The following RNF17 variants were observed in gnomAD, a reference collection of about 807,000 sequenced individuals.
RNF17 encodes ring finger protein 17.
In RNF17, 31 loss-of-function variants were observed where a neutral mutation model predicts 200.5. The observed-to-expected ratio is 0.15, with a 90% CI of 0.12 to 0.21. The LOEUF (loss-of-function observed/expected upper bound fraction) is 0.21, where lower values mean the gene tolerates loss of function less well. Ranked by LOEUF, RNF17 falls within the 10% of genes least tolerant of loss-of-function variation. The pLI, the probability that RNF17 is intolerant of heterozygous loss-of-function variation, is 1.00. For missense variants in RNF17, 1,628 were observed against 1,905.1 expected, an observed-to-expected ratio of 0.85 and a Z score of 2.71; for synonymous variants, 606 against 637.8, an observed-to-expected ratio of 0.95 and a Z score of 0.75.
In RNF17 at chr13:24,879,899, G is replaced by A. The variant is rs1953752644; in HGVS notation, c.*173G>A. 1 of 152,124 alleles carries A rather than the reference G, an allele frequency of 6.6e-6. No individual in the cohort carries two copies. Among genetic ancestry groups the A allele is most frequent in the Non-Finnish European group, 1.5e-5 (1 of 68,008 alleles). 9.4% of individuals were successfully genotyped at this position (152,124 alleles called of 1,614,324 possible). ...GTTAGGAATTGTGTGGGGAAAAAAA[G>A]TAAATAAATGTTCGCTTCCAAACAT... On this transcript the variant is annotated 3_prime_UTR_variant, in exon 36 of 36. Transcript: ENST00000255324.
At chr13:24,854,220 T>C in intron 25 of RNF17, 76 bp downstream of exon 25, 2 of 1,116,228 alleles carry the variant, frequency 1.8e-6, no homozygotes, top group Non-Finnish European at 2.6e-6. Context: ...GGGCAACCTC[T>C]TTGAACGTTA....
intron 1 of RNF17, 94 bp from the exon 2 acceptor site, chr13:24,767,178 G>T: frequency 1.3e-6 from 1 of 766,332 alleles, no homozygotes; most frequent in South Asian, 1.7e-5. Context: ...GCAGTGAGCT[G>T]GTGCCACTAC....
At chr13:24,757,390 C>A in the RNF17 span, among the ~76,000 whole-genome samples, 3 of 147,062 alleles carry the variant, frequency 2.0e-5, no homozygotes, top group Non-Finnish European at 1.5e-5. Flanking sequence ...GTGGCGTGTT[C>A]TTGGCTCACT....
At chr13:24,880,525 T>C (rs1263400486), downstream of RNF17, among the ~76,000 whole-genome samples, 2 of 152,252 alleles carry the variant, frequency 1.3e-5, no homozygotes, top group African/African-American at 4.8e-5. Flanking sequence ...TATTTTTTAA[T>C]GTATCTGCTG....
intron 15 of RNF17, among the ~76,000 whole-genome samples, chr13:24,813,443 A>C (rs1886994845): frequency 6.6e-6 from 1 of 152,042 alleles, no homozygotes; most frequent in South Asian, 2.1e-4. Flanking sequence ...AGCATGATTC[A>C]CCATGCCCAA....
intron 34 of RNF17, among the ~76,000 whole-genome samples, chr13:24,878,602 A>C (rs1374674792): frequency 1.3e-5 from 2 of 152,184 alleles, no homozygotes; most frequent in African/African-American, 4.8e-5. Context: ...TCTACAGTCC[A>C]AAAACCAAAG....
At chr13:24,813,528 T>C (rs779804224) in intron 15 of RNF17, among the ~76,000 whole-genome samples, 1 of 152,220 alleles carries the variant, frequency 6.6e-6, no homozygotes, top group Non-Finnish European at 1.5e-5. Flanking sequence ...TTCTAGATAC[T>C]AAATTCTTAT....
intron 1 of RNF17, 45 bp from the exon 2 acceptor site, chr13:24,767,227 A>C (rs187372955): frequency 0.029 from 37,753 of 1,307,960 alleles, 701 homozygotes; most frequent in Non-Finnish European, 0.035. Context: ...CTGTCTCAAT[A>C]ATCATCATCA....
chr13:24,880,503 T>C (rs1053103387), downstream of RNF17, among the ~76,000 whole-genome samples: 1 of 152,378 alleles, frequency 6.6e-6, no homozygotes. Context: ...AATGCATCCA[T>C]AAATGACATG....
intron 4 of RNF17, among the ~76,000 whole-genome samples, chr13:24,779,103 A>G (rs770494592): frequency 9.2e-5 from 14 of 152,168 alleles, no homozygotes; most frequent in Non-Finnish European, 1.8e-4. Context: ...AGGCTGAGGC[A>G]TGAGAATCTC....
intron 20 of RNF17, 148 bp from the exon 21 acceptor site, chr13:24,844,504 G>A: frequency 1.6e-6 from 1 of 632,914 alleles, no homozygotes; most frequent in Non-Finnish European, 2.7e-6. Flanking sequence ...TCAAAAACCT[G>A]AGGAAGAAAT....
intron 11 of RNF17, among the ~76,000 whole-genome samples, chr13:24,797,247 T>C (rs1469009901): frequency 6.6e-6 from 1 of 152,144 alleles, no homozygotes; most frequent in African/African-American, 2.4e-5. Context: ...AGTTGTGCTT[T>C]AAGTTGTTAA....
the RNF17 span, among the ~76,000 whole-genome samples, chr13:24,756,805 T>A: frequency 6.6e-6 from 1 of 152,210 alleles, no homozygotes; most frequent in Non-Finnish European, 1.5e-5. Context: ...CCCCCATATG[T>A]AACACTGTTC....
At chr13:24,764,710 C>T (rs1001070219) in intron 1 of RNF17, among the ~76,000 whole-genome samples, 5 of 152,176 alleles carry the variant, frequency 3.3e-5, no homozygotes, top group African/African-American at 9.6e-5. Context: ...TGATTTTCTC[C>T]TGTAGTTTTT....
intron 18 of RNF17, among the ~76,000 whole-genome samples, chr13:24,832,463 G>A (rs1212581930): frequency 6.6e-6 from 1 of 152,130 alleles, no homozygotes; most frequent in African/African-American, 2.4e-5. Context: ...CTGACCACTA[G>A]CCCACGATTT....
intron 10 of RNF17, among the ~76,000 whole-genome samples, chr13:24,793,595 A>G (rs975138228): frequency 2.0e-5 from 3 of 152,148 alleles, no homozygotes; most frequent in Non-Finnish European, 4.4e-5. Flanking sequence ...TAATTAGGGT[A>G]TTTTGAGATT....
chr13:24,882,397 ATTAT>A, downstream of RNF17: 1 of 152,168 alleles, frequency 6.6e-6, no homozygotes, highest in East Asian at 1.9e-4. Context: ...CCAATCTGTA[ATTAT>A]TTATTATATA....
intron 25 of RNF17, among the ~76,000 whole-genome samples, chr13:24,856,550 CAGT>C (rs1421383257): frequency 1.3e-5 from 2 of 151,576 alleles, no homozygotes; most frequent in Non-Finnish European, 2.9e-5. Flanking sequence ...ATTGATTTTT[CAGT>C]AGGTAAGAAG....
chr13:24,791,583 T>C (rs1340173328), intron 9 of RNF17, among the ~76,000 whole-genome samples: 2 of 152,130 alleles, frequency 1.3e-5, no homozygotes, highest in African/African-American at 2.4e-5. Context: ...AATCAGAATA[T>C]AGATGTAGAA....
Sources: gnomAD v4.1 joint callset for allele counts (sites outside exome capture counted in the v4.1 genomes callset) on GRCh38, gnomAD v4.1.1 for gene constraint, MANE v1.5 for transcripts, NCBI Gene and HGNC (gene_info 2026-07-23, HGNC 2026-07-21) for gene names.